Variants in GRXCR2 observed in about 807,000 individuals in gnomAD.
GRXCR2 encodes the protein glutaredoxin and cysteine rich domain containing 2.
GRXCR2 carries 23 observed loss-of-function variants against 24.8 expected under a neutral mutation model. The ratio of observed to expected loss-of-function variants is 0.93; its 90% CI spans 0.67 to 1.32. GRXCR2 has a LOEUF of 1.32. Among genes scored for constraint, GRXCR2 ranks in the 40% most tolerant of loss-of-function variants. The pLI is 0.00. For synonymous variants in GRXCR2, 130 were observed against 116.1 expected (o/e 1.12, Z -0.77); for missense variants, 315 against 303.4 (o/e 1.04, Z -0.28).
At chr5:145,871,156 A>C (rs1756525280) in intron 1 of GRXCR2, among the ~76,000 whole-genome samples, 1 of 152,180 alleles carries the variant, frequency 6.6e-6, no homozygotes, top group South Asian at 2.1e-4. Flanking sequence ...AAATTTATCT[A>C]CTGTGGCCTT....
rs1295693868 is a variant in GRXCR2, at chr5:145,859,370, A to C, written c.*363T>G. ...AACCTGCCTTTTTTACTCCTTTCTC[A>C]CCACATAATTTTGCAAAATAACTCC... On this transcript the variant is annotated 3_prime_UTR_variant, in exon 3 of 3. Coordinates refer to ENST00000377976, the MANE Select transcript of GRXCR2 (RefSeq NM_001080516.2). 4.7e-6 allele frequency: 1 copy of C among 211,600 alleles called. No individual in the cohort carries two copies. The highest frequency in any genetic ancestry group is 9.5e-6 in the Non-Finnish European group (1 of 105,448). The allele number at this position is 211,600 out of a possible 1,614,324, so 13.1% of individuals were successfully genotyped here.
At chr5:145,879,793 T>A (rs1364630148) in intron 2 of GRXCR2, among the ~76,000 whole-genome samples, 2 of 151,158 alleles carry the variant, frequency 1.3e-5, no homozygotes, top group African/African-American at 4.8e-5. Flanking sequence ...ATTGACCACA[T>A]AACTAAAGCA....
intron 2 of GRXCR2, among the ~76,000 whole-genome samples, chr5:145,925,525 T>C (rs1443010136): frequency 6.6e-6 from 1 of 152,128 alleles, no homozygotes; most frequent in Non-Finnish European, 1.5e-5. Flanking sequence ...AGATTCCAAG[T>C]CGCAAGCTTT....
Position 145,868,190 on chromosome 5 carries a change from T to C in GRXCR2, c.337-1462A>G, listed in dbSNP as rs1220388804. On this transcript the variant is annotated intron_variant, in intron 1 of 2. Transcript: ENST00000377976. The stretch of plus-strand genomic sequence containing the variant: ...CACAATATGCAGATTGTGAGAACTG[T>C]TGCCATTGTTATTATTTAAAATTAT... Among the ~76,000 whole-genome samples, 4 of 152,174 alleles carry C rather than the reference T, an allele frequency of 2.6e-5. No individual in the cohort carries two copies. In the East Asian group the frequency reaches 7.7e-4, roughly 29 times the overall value.
At chr5:145,928,556 T>C (rs1757433041) in intron 2 of GRXCR2, among the ~76,000 whole-genome samples, 1 of 152,116 alleles carries the variant, frequency 6.6e-6, no homozygotes, top group Non-Finnish European at 1.5e-5. Context: ...ATATACACTG[T>C]GGAATACTAT....
intron 2 of GRXCR2, among the ~76,000 whole-genome samples, chr5:145,926,885 G>T (rs1018135971): frequency 1.1e-4 from 17 of 152,222 alleles, no homozygotes; most frequent in East Asian, 3.9e-4. Flanking sequence ...CCATTTGTTT[G>T]TATCCTCTTT....
intron 2 of GRXCR2, among the ~76,000 whole-genome samples, chr5:145,930,072 AT>A (rs936035283): frequency 1.3e-5 from 2 of 151,876 alleles, no homozygotes; most frequent in Non-Finnish European, 2.9e-5. Flanking sequence ...TTATTTATTT[AT>A]TTATTTATTA....
At chr5:145,865,958 T>C (rs1337865382) in intron 2 of GRXCR2, among the ~76,000 whole-genome samples, 1 of 148,588 alleles carries the variant, frequency 6.7e-6, no homozygotes, top group Non-Finnish European at 1.5e-5. Flanking sequence ...GACAACATGG[T>C]GAAACCCCAT....
At chr5:145,874,919 T>G (rs1410406721), upstream of GRXCR2, among the ~76,000 whole-genome samples, 1 of 152,158 alleles carries the variant, frequency 6.6e-6, no homozygotes, top group East Asian at 1.9e-4. Flanking sequence ...GTCTCCTGAT[T>G]TAGAGTGTCA....
upstream of GRXCR2, among the ~76,000 whole-genome samples, chr5:145,877,847 G>T (rs1756642400): frequency 5.3e-5 from 8 of 152,184 alleles, no homozygotes; most frequent in Admixed American, 5.2e-4. Flanking sequence ...AGCAATATTT[G>T]CTGTTCTGCA....
chr5:145,915,485 G>A (rs1163677797), intron 2 of GRXCR2, among the ~76,000 whole-genome samples: 1 of 152,038 alleles, frequency 6.6e-6, no homozygotes, highest in African/African-American at 2.4e-5. Context: ...AATCCTGCTG[G>A]TTACAAACGT....
upstream of GRXCR2, among the ~76,000 whole-genome samples, chr5:145,877,164 C>T (rs1027995623): frequency 5.9e-5 from 9 of 151,970 alleles, no homozygotes; most frequent in Admixed American, 5.2e-4. Flanking sequence ...TTTAAAGATA[C>T]TCCCCTAAAT....
At chr5:145,906,859 A>G (rs1023021584) in intron 2 of GRXCR2, among the ~76,000 whole-genome samples, 1 of 152,164 alleles carries the variant, frequency 6.6e-6, no homozygotes, top group Non-Finnish European at 1.5e-5. Context: ...ATAGTATGCA[A>G]GATAGTGATC....
chr5:145,918,128 C>T (rs1253441298), intron 2 of GRXCR2, among the ~76,000 whole-genome samples: 3 of 152,184 alleles, frequency 2.0e-5, no homozygotes, highest in African/African-American at 7.2e-5. Context: ...TGCCAGTTCC[C>T]GTGATTGCCA....
intron 2 of GRXCR2, among the ~76,000 whole-genome samples, chr5:145,917,749 A>G (rs551106700): frequency 1.6e-4 from 25 of 152,024 alleles, no homozygotes; most frequent in African/African-American, 5.5e-4. Flanking sequence ...ATACCTCCCC[A>G]CCACTCACCT....
chr5:145,902,240 C>T (rs1363523034), intron 2 of GRXCR2, among the ~76,000 whole-genome samples: 2 of 152,176 alleles, frequency 1.3e-5, no homozygotes, highest in African/African-American at 4.8e-5. Context: ...ACTACAGGCG[C>T]ATGCCACCAT....
intron 2 of GRXCR2, among the ~76,000 whole-genome samples, chr5:145,919,613 T>C (rs1007630770): frequency 3.3e-5 from 5 of 151,796 alleles, no homozygotes; most frequent in African/African-American, 1.2e-4. Context: ...GGTAGGCGGG[T>C]GGGTAGGAGG....
At chr5:145,876,827 G>A (rs905318928), upstream of GRXCR2, among the ~76,000 whole-genome samples, 13 of 152,088 alleles carry the variant, frequency 8.5e-5, no homozygotes, top group Non-Finnish European at 1.8e-4. Context: ...TCAAGAAGAA[G>A]AACAAATTGA....
At chr5:145,881,580 T>C (rs1436561652) in intron 2 of GRXCR2, among the ~76,000 whole-genome samples, 1 of 152,182 alleles carries the variant, frequency 6.6e-6, no homozygotes, top group Admixed American at 6.5e-5. Context: ...AGAATCAATA[T>C]TGTGAAAATG....
Sources: allele counts gnomAD v4.1 joint callset (sites outside exome capture counted in the v4.1 genomes callset), GRCh38; gene constraint gnomAD v4.1.1; transcripts MANE v1.5; gene names NCBI Gene and HGNC (gene_info 2026-07-23, HGNC 2026-07-21).